Variants in TMEM266 observed in about 807,000 individuals in gnomAD.
TMEM266 encodes the protein transmembrane protein 266.
A neutral mutation model predicts 50.5 loss-of-function variants in TMEM266; 33 were observed. The ratio of observed to expected loss-of-function variants is 0.65; its 90% CI spans 0.50 to 0.87. The LOEUF (loss-of-function observed/expected upper bound fraction) is 0.87, where lower values mean the gene tolerates loss of function less well. TMEM266 is among the 40% of genes least tolerant of loss of function. The pLI, the probability that TMEM266 is intolerant of heterozygous loss-of-function variation, is 0.00. For synonymous variants in TMEM266, 310 were observed against 292.3 expected, an observed-to-expected ratio of 1.06 and a Z score of -0.62; for missense variants, 655 against 695.1, an observed-to-expected ratio of 0.94 and a Z score of 0.65.
At chr15:76,104,116 A>G (rs1447837620) in intron 1 of TMEM266, among the ~76,000 whole-genome samples, 1 of 151,892 alleles carries the variant, frequency 6.6e-6, no homozygotes, top group African/African-American at 2.4e-5. Flanking sequence ...CTGAGGCAGG[A>G]GAATAGCGGG....
intron 1 of TMEM266, among the ~76,000 whole-genome samples, chr15:76,104,039 C>A (rs1438000488): frequency 6.6e-6 from 1 of 151,228 alleles, no homozygotes; most frequent in Non-Finnish European, 1.5e-5. Context: ...AACCCCGTCT[C>A]TACTAAAAAT....
intron 10 of TMEM266, 21 bp from the exon 11 acceptor site, chr15:76,203,720 A>C: frequency 6.3e-7 from 1 of 1,599,654 alleles, no homozygotes. Flanking sequence ...AGTGTGACCA[A>C]GATCCCCTCC....
intron 9 of TMEM266, among the ~76,000 whole-genome samples, 191 bp from the exon 10 acceptor site, chr15:76,202,011 G>A (rs2038755691): frequency 1.3e-5 from 2 of 152,330 alleles, no homozygotes; most frequent in South Asian, 4.1e-4. Flanking sequence ...CCAGCACCCA[G>A]TGCAGTCCAG....
chr15:76,166,234 G>A (rs543917108), intron 5 of TMEM266, among the ~76,000 whole-genome samples: 42 of 152,048 alleles, frequency 2.8e-4, no homozygotes, highest in Admixed American at 1.7e-3. Context: ...AGGATGCTGC[G>A]GGGGGGAAAA....
chr15:76,195,547 A>T (rs527241814), intron 9 of TMEM266, among the ~76,000 whole-genome samples: 3 of 152,236 alleles, frequency 2.0e-5, no homozygotes, highest in Non-Finnish European at 2.9e-5. Context: ...CCTAAGGATG[A>T]AAGGAGCAGA....
At chr15:76,110,022 CAG>C (rs773833274) in intron 1 of TMEM266, among the ~76,000 whole-genome samples, 1 of 151,334 alleles carries the variant, frequency 6.6e-6, no homozygotes, top group East Asian at 1.9e-4. Flanking sequence ...TTTTTTGAGA[CAG>C]AGTCTCACCC....
rs528952494 is a variant in TMEM266 at position 76,164,126 on chromosome 15, C to T, written c.456+3958C>T. 1.2e-4 allele frequency among the ~76,000 whole-genome samples: 18 copies of T among 152,310 alleles called. No homozygotes were observed. The South Asian group carries it at 3.7e-3, about 32-fold the overall frequency. ...AACTCTTCCGGATATTTCATGTAAA[C>T]AAAATCTTACAGTGTGTAGTCTTTT... On this transcript the variant is annotated intron_variant, in intron 5 of 10. Coordinates refer to ENST00000388942, the MANE Select transcript of TMEM266 (RefSeq NM_152335.3).
chr15:76,193,282 A>G (rs2038609250), intron 9 of TMEM266, among the ~76,000 whole-genome samples: 1 of 152,078 alleles, frequency 6.6e-6, no homozygotes, highest in Non-Finnish European at 1.5e-5. Flanking sequence ...GTGCAGTGGT[A>G]TCATAATAGT....
intron 8 of TMEM266, among the ~76,000 whole-genome samples, chr15:76,189,226 AAGG>A (rs2038531041): frequency 6.6e-6 from 1 of 151,858 alleles, no homozygotes; most frequent in African/African-American, 2.4e-5. Context: ...GAGAAAGAGA[AAGG>A]AGAGAGGGAG....
chr15:76,096,317 T>C (rs1010243141), intron 1 of TMEM266, among the ~76,000 whole-genome samples: 3 of 152,106 alleles, frequency 2.0e-5, no homozygotes, highest in South Asian at 2.1e-4. Context: ...GTGTTTTCGT[T>C]CTCATTGGTT....
intron 8 of TMEM266, among the ~76,000 whole-genome samples, chr15:76,177,033 CTCTG>C (rs1370699385): frequency 5.3e-5 from 8 of 152,168 alleles, no homozygotes; most frequent in Non-Finnish European, 7.4e-5. Context: ...CCCTTGCAAG[CTCTG>C]TCTGTCTAAT....
At chr15:76,163,230 G>C (rs969202467) in intron 5 of TMEM266, among the ~76,000 whole-genome samples, 1 of 152,200 alleles carries the variant, frequency 6.6e-6, no homozygotes, top group Non-Finnish European at 1.5e-5. Flanking sequence ...AGGCTGCTCT[G>C]GGAAGATGGG....
intron 1 of TMEM266, among the ~76,000 whole-genome samples, chr15:76,132,562 G>A (rs1307789508): frequency 6.6e-6 from 1 of 151,344 alleles, no homozygotes; most frequent in Non-Finnish European, 1.5e-5. Flanking sequence ...TTGGGAGGCC[G>A]AGGCGGGCGG....
intron 1 of TMEM266, among the ~76,000 whole-genome samples, chr15:76,065,107 T>G (rs1214357016): frequency 6.6e-6 from 1 of 152,238 alleles, no homozygotes; most frequent in African/African-American, 2.4e-5. Flanking sequence ...TCCTAAAATT[T>G]GTTAGCTTTG....
In TMEM266 at chr15:76,204,565, CAT is replaced by C. The variant is rs2038807548; in HGVS notation, c.*251_*252del. On this transcript the variant is annotated 3_prime_UTR_variant, in exon 11 of 11. Coordinates refer to ENST00000388942, the MANE Select transcript of TMEM266 (RefSeq NM_152335.3). ...CTCGTGGCTGGGTTTTCTTTTTAAC[CAT>C]TTTTACAAAAACCAGCCTGTGGCCC... 1 of 366,748 alleles carries C rather than the reference CAT, an allele frequency of 2.7e-6. No individual in the cohort carries two copies. Among genetic ancestry groups the C allele is most frequent in the African/African-American group, 2.1e-5 (1 of 48,426 alleles). 22.7% of individuals were successfully genotyped at this position (366,748 alleles called of 1,614,324 possible).
chr15:76,110,459 A>G (rs941533491), intron 1 of TMEM266, among the ~76,000 whole-genome samples: 5 of 152,206 alleles, frequency 3.3e-5, no homozygotes, highest in African/African-American at 1.2e-4. Context: ...CTCATCGGCT[A>G]CCTTTAACGT....
chr15:76,173,812 A>G (rs978284719), intron 7 of TMEM266, among the ~76,000 whole-genome samples: 1 of 152,052 alleles, frequency 6.6e-6, no homozygotes, highest in Non-Finnish European at 1.5e-5. Context: ...GCACGCCTGT[A>G]ATCCTAGCTA....
At chr15:76,179,952 T>C (rs772033949) in intron 8 of TMEM266, among the ~76,000 whole-genome samples, 2 of 152,072 alleles carry the variant, frequency 1.3e-5, no homozygotes, top group East Asian at 1.9e-4. Flanking sequence ...AGACTGTCTC[T>C]AAAACAAAAC....
At chr15:76,104,747 A>G (rs1430384903) in intron 1 of TMEM266, among the ~76,000 whole-genome samples, 1 of 152,020 alleles carries the variant, frequency 6.6e-6, no homozygotes, top group African/African-American at 2.4e-5. Context: ...GTGTGAGGAG[A>G]GGGGAGAAGG....
Sources: gnomAD v4.1 joint callset for allele counts (sites outside exome capture counted in the v4.1 genomes callset) on GRCh38, gnomAD v4.1.1 for gene constraint, MANE v1.5 for transcripts, NCBI Gene and HGNC (gene_info 2026-07-23, HGNC 2026-07-21) for gene names.